CSMD1: variants seen among roughly 807,000 people sequenced by gnomAD.
The protein encoded by CSMD1 is CUB and Sushi multiple domains 1.
A neutral mutation model predicts 417.5 loss-of-function variants in CSMD1; 213 were observed. The ratio of observed to expected loss-of-function variants is 0.51; its 90% CI spans 0.46 to 0.57. The LOEUF (loss-of-function observed/expected upper bound fraction) is 0.57, where lower values mean the gene tolerates loss of function less well. CSMD1 is among the 20% of genes least tolerant of loss of function. The probability of loss-of-function intolerance (pLI) is 0.00; values close to 1 mark genes in which losing one functional copy is unlikely to be tolerated. For synonymous variants in CSMD1, 2,862 were observed against 1,736.8 expected, an observed-to-expected ratio of 1.65 and a Z score of -16.11; for missense variants, 6,923 against 4,529.7, an observed-to-expected ratio of 1.53 and a Z score of -15.17.
chr8:3,588,075 A>G (rs1211479398), intron 8 of CSMD1, among the ~76,000 whole-genome samples: 1 of 150,764 alleles, frequency 6.6e-6, no homozygotes, highest in Non-Finnish European at 1.5e-5. Context: ...TCATTTAAGA[A>G]ATTTTCTTTT....
At chr8:4,566,306 A>C (rs568898555) in intron 2 of CSMD1, among the ~76,000 whole-genome samples, 5 of 152,302 alleles carry the variant, frequency 3.3e-5, no homozygotes, top group South Asian at 4.1e-4. Context: ...TTAGAAAGGA[A>C]AGCCATTGGC....
intron 1 of CSMD1, among the ~76,000 whole-genome samples, chr8:4,752,687 T>C (rs1442054639): frequency 6.6e-6 from 1 of 152,042 alleles, no homozygotes; most frequent in African/African-American, 2.4e-5. Flanking sequence ...TGAAATGGGA[T>C]TGCTCTACAC....
chr8:4,027,417 A>G (rs1418807428), intron 4 of CSMD1, among the ~76,000 whole-genome samples: 1 of 152,012 alleles, frequency 6.6e-6, no homozygotes, highest in Non-Finnish European at 1.5e-5. Context: ...ACATTGTGGG[A>G]GGTGATTAGA....
chr8:3,513,193 A>G (rs1797150752), intron 10 of CSMD1, among the ~76,000 whole-genome samples: 1 of 151,534 alleles, frequency 6.6e-6, no homozygotes, highest in Admixed American at 6.6e-5. Flanking sequence ...AAACTTTGGG[A>G]AAAAAATAGT....
rs1379457720 is a variant in CSMD1, at chr8:3,468,713, T to C, written c.1560A>G (p.Gln520=). 5 of 1,590,986 alleles carry C rather than the reference T, an allele frequency of 3.1e-6. No homozygotes were observed. The Admixed American group carries it at 6.9e-5, about 22-fold the overall frequency. ...CTGTGAAGTGTAATCTCATCATACC[T>C]TGGTAAACAGCTTTAAACCCAGGTG... ...IGSPGFKAVY[Q]EIEKGGCGDP... is the part of the protein sequence containing the mutation. The change falls in exon 12 of 70, where the codon CAA becomes CAG. Residue 520 remains glutamine (Q), a splice_region_variant and synonymous_variant. Transcript: ENST00000635120.
chr8:4,612,911 A>C (rs909220000), intron 2 of CSMD1, among the ~76,000 whole-genome samples: 1 of 152,208 alleles, frequency 6.6e-6, no homozygotes, highest in Non-Finnish European at 1.5e-5. Flanking sequence ...CATGATAGGC[A>C]GAGATTTTAT....
At chr8:3,464,595 A>C (rs531225284) in intron 12 of CSMD1, among the ~76,000 whole-genome samples, 198 of 149,710 alleles carry the variant, frequency 1.3e-3, no homozygotes, top group African/African-American at 4.7e-3. Flanking sequence ...TAAATAAATG[A>C]TTTTTAAGTA....
At chr8:3,254,048 G>T in intron 26 of CSMD1, among the ~76,000 whole-genome samples, 1 of 152,126 alleles carries the variant, frequency 6.6e-6, no homozygotes, top group East Asian at 1.9e-4. Flanking sequence ...CTTCCTTCAG[G>T]AGCTCTTGTA....
intron 5 of CSMD1, among the ~76,000 whole-genome samples, chr8:3,899,680 C>G (rs1008471974): frequency 2.0e-5 from 3 of 152,154 alleles, no homozygotes; most frequent in African/African-American, 7.2e-5. Context: ...TTGTTATAAT[C>G]TGGGCTAAAT....
At chr8:4,440,317 G>C (rs1019957228) in intron 2 of CSMD1, among the ~76,000 whole-genome samples, 1 of 152,198 alleles carries the variant, frequency 6.6e-6, no homozygotes, top group African/African-American at 2.4e-5. Context: ...CAGCTGGAAA[G>C]TCTATTAACT....
intron 50 of CSMD1, among the ~76,000 whole-genome samples, chr8:3,047,213 CAAAAAAA>C (rs749861179): frequency 7.7e-4 from 56 of 73,076 alleles, no homozygotes; most frequent in African/African-American, 3.4e-3. Context: ...GACTCCCTCT[CAAAAAAA>C]AAAAAAAAAA....
chr8:3,167,630 G>A (rs574615644), intron 37 of CSMD1, among the ~76,000 whole-genome samples: 4 of 152,184 alleles, frequency 2.6e-5, no homozygotes, highest in Non-Finnish European at 5.9e-5. Flanking sequence ...GCAATTAGAT[G>A]TAGAATGTAG....
At chr8:3,241,240 T>A (rs58749976) in intron 26 of CSMD1, among the ~76,000 whole-genome samples, 2 of 148,242 alleles carry the variant, frequency 1.3e-5, no homozygotes, top group Non-Finnish European at 3.0e-5. Flanking sequence ...CTTAAAAGAG[T>A]ATTGTCTAAG....
intron 26 of CSMD1, among the ~76,000 whole-genome samples, chr8:3,273,843 G>C: frequency 6.6e-6 from 1 of 151,904 alleles, no homozygotes; most frequent in Non-Finnish European, 1.5e-5. Context: ...TCTTGCTAGT[G>C]GTCTACCAAT....
At chr8:3,236,472 G>A (rs1219447582) in intron 26 of CSMD1, among the ~76,000 whole-genome samples, 6 of 152,280 alleles carry the variant, frequency 3.9e-5, no homozygotes, top group South Asian at 4.1e-4. Context: ...ACAATGTAGT[G>A]CAGAATACAT....
chr8:3,127,689 T>G (rs1405457112), intron 41 of CSMD1: 1 of 152,220 alleles, frequency 6.6e-6, no homozygotes, highest in Non-Finnish European at 1.5e-5. Context: ...AGTGGAACTT[T>G]GAAAATAAAA....
At chr8:3,725,473 C>T (rs1462152769) in intron 6 of CSMD1, among the ~76,000 whole-genome samples, 1 of 152,164 alleles carries the variant, frequency 6.6e-6, no homozygotes, top group Admixed American at 6.5e-5. Flanking sequence ...AGGAGAAATA[C>T]CGGTGCTGAT....
chr8:4,800,100 T>C (rs1235025261), intron 1 of CSMD1, among the ~76,000 whole-genome samples: 1 of 152,158 alleles, frequency 6.6e-6, no homozygotes, highest in Non-Finnish European at 1.5e-5. Flanking sequence ...ATTTTTTATA[T>C]AAAGCGTATC....
chr8:4,057,112 C>T (rs1016463242), intron 3 of CSMD1, among the ~76,000 whole-genome samples: 1 of 152,216 alleles, frequency 6.6e-6, no homozygotes, highest in Non-Finnish European at 1.5e-5. Flanking sequence ...AATCGCCACA[C>T]TGACTTCCAC....
Sources: gnomAD v4.1 joint callset for allele counts (sites outside exome capture counted in the v4.1 genomes callset) on GRCh38, gnomAD v4.1.1 for gene constraint, MANE v1.5 for transcripts, NCBI Gene and HGNC (gene_info 2026-07-23, HGNC 2026-07-21) for gene names.